MDGA2: variants seen among roughly 807,000 people sequenced by gnomAD.
MDGA2 encodes the protein MAM domain containing glycosylphosphatidylinositol anchor 2, also known as MAM domain-containing glycosylphosphatidylinositol anchor protein 2.
Under a neutral mutation model 117.8 loss-of-function variants are expected in MDGA2, and 40 were observed. The observed-to-expected ratio is 0.34, with a 90% CI of 0.26 to 0.44. The LOEUF (loss-of-function observed/expected upper bound fraction) is 0.44. Among genes scored for constraint, MDGA2 ranks in the 20% least tolerant of loss-of-function variants. The pLI, the probability that MDGA2 is intolerant of heterozygous loss-of-function variation, is 1.00. For missense variants in MDGA2, 1,123 were observed against 1,250.6 expected, an observed-to-expected ratio of 0.90 and a Z score of 1.54; for synonymous variants, 452 against 439.0, an observed-to-expected ratio of 1.03 and a Z score of -0.37.
intron 5 of MDGA2, 84 bp from the exon 6 acceptor site, chr14:47,097,207 C>CA: frequency 6.9e-7 from 1 of 1,441,202 alleles, no homozygotes; most frequent in Non-Finnish European, 9.4e-7. Flanking sequence ...TTGGTTCATT[C>CA]AAAAAATTAA....
intron 1 of MDGA2, chr14:47,305,321 GC>G (rs1418556182): frequency 2.0e-5 from 3 of 152,066 alleles, no homozygotes; most frequent in Admixed American, 1.3e-4. Flanking sequence ...GATCTCCTTT[GC>G]CCTGTAGAGT....
At position 46,874,421 on chromosome 14, in the gene MDGA2, A is replaced by C. The variant is rs138408689; in HGVS notation, c.2438-221T>G. ...TACATGTAAATTAATATCTTATTGA[A>C]TAATTAAGACTCAAACAATTTTTCT... On this transcript the variant is annotated intron_variant, in intron 12 of 16. Coordinates refer to ENST00000399232, the MANE Select transcript of MDGA2 (RefSeq NM_001113498.3). 2.2e-3 allele frequency among the ~76,000 whole-genome samples: 340 copies of C among 152,004 alleles called. 1 individual carries two copies. The highest frequency in any genetic ancestry group is 7.8e-3 in the African/African-American group (324 of 41,538).
chr14:47,066,965 A>C (rs1177915646), intron 6 of MDGA2, among the ~76,000 whole-genome samples: 2 of 152,054 alleles, frequency 1.3e-5, no homozygotes, highest in Non-Finnish European at 2.9e-5. Context: ...AATACAAAAA[A>C]TTAGCTAGGC....
chr14:47,161,347 A>G (rs1377177278), intron 3 of MDGA2, among the ~76,000 whole-genome samples: 2 of 152,094 alleles, frequency 1.3e-5, no homozygotes, highest in African/African-American at 4.8e-5. Context: ...TCTAAATGGT[A>G]TATAATTTGA....
intron 9 of MDGA2, among the ~76,000 whole-genome samples, chr14:46,939,661 G>A (rs915266606): frequency 6.5e-4 from 99 of 152,298 alleles, no homozygotes; most frequent in African/African-American, 2.2e-3. Flanking sequence ...TGCTGTATTT[G>A]TCAGGCACCA....
chr14:47,632,231 C>A (rs899709616), intron 1 of MDGA2, among the ~76,000 whole-genome samples: 1 of 152,122 alleles, frequency 6.6e-6, no homozygotes, highest in Non-Finnish European at 1.5e-5. Context: ...ATCCATTTTC[C>A]CTATAGAAAT....
intron 8 of MDGA2, among the ~76,000 whole-genome samples, chr14:47,030,568 T>C (rs747787115): frequency 6.6e-6 from 1 of 152,120 alleles, no homozygotes; most frequent in Middle Eastern, 3.2e-3. Context: ...GTAAGCTCTA[T>C]ACATACTATG....
chr14:47,426,249 G>T, intron 1 of MDGA2, among the ~76,000 whole-genome samples: 1 of 152,030 alleles, frequency 6.6e-6, no homozygotes. Flanking sequence ...TCCCATCGGA[G>T]GATCTAGCCT....
chr14:46,992,824 A>G (rs1331105318), intron 8 of MDGA2, among the ~76,000 whole-genome samples: 1 of 152,208 alleles, frequency 6.6e-6, no homozygotes, highest in African/African-American at 2.4e-5. Context: ...GAGCAAAAAT[A>G]GCATCCATGT....
chr14:47,642,813 A>T (rs914077809), intron 1 of MDGA2, among the ~76,000 whole-genome samples: 1 of 152,108 alleles, frequency 6.6e-6, no homozygotes, highest in Non-Finnish European at 1.5e-5. Context: ...GTTTATTCGC[A>T]TTTCATCAAG....
At chr14:47,614,191 A>C (rs576430496) in intron 1 of MDGA2, among the ~76,000 whole-genome samples, 11 of 145,834 alleles carry the variant, frequency 7.5e-5, no homozygotes, top group Non-Finnish European at 1.6e-4. Flanking sequence ...CTGGGTTCAG[A>C]TGGTTCTCTT....
intron 1 of MDGA2, among the ~76,000 whole-genome samples, chr14:47,574,492 C>G (rs1896079924): frequency 6.6e-6 from 1 of 152,100 alleles, no homozygotes; most frequent in South Asian, 2.1e-4. Flanking sequence ...ATACAATTTT[C>G]AAATATTCTT....
chr14:47,108,422 T>C (rs937117398), intron 5 of MDGA2, among the ~76,000 whole-genome samples: 1 of 152,090 alleles, frequency 6.6e-6, no homozygotes, highest in Non-Finnish European at 1.5e-5. Flanking sequence ...TGAATATGCC[T>C]TGCCCCACCT....
chr14:47,136,630 A>G (rs1022042171), intron 4 of MDGA2, among the ~76,000 whole-genome samples: 5 of 152,120 alleles, frequency 3.3e-5, no homozygotes, highest in African/African-American at 1.2e-4. Flanking sequence ...ATTTGTGTAT[A>G]TATTTATATA....
chr14:46,912,265 G>C (rs1008869131), intron 10 of MDGA2, among the ~76,000 whole-genome samples: 4 of 151,980 alleles, frequency 2.6e-5, no homozygotes, highest in Non-Finnish European at 5.9e-5. Context: ...ACATACACAC[G>C]AATGCACATT....
At chr14:47,207,012 A>T (rs1331119239) in intron 3 of MDGA2, among the ~76,000 whole-genome samples, 1 of 152,048 alleles carries the variant, frequency 6.6e-6, no homozygotes, top group South Asian at 2.1e-4. Context: ...TTTAAAAGAG[A>T]TAACATCACT....
intron 3 of MDGA2, among the ~76,000 whole-genome samples, chr14:47,204,563 T>G (rs907883671): frequency 6.6e-6 from 1 of 151,944 alleles, no homozygotes; most frequent in Admixed American, 6.6e-5. Flanking sequence ...TAAAAATACA[T>G]TATCTCATTC....
At position 47,097,589 on chromosome 14, in the gene MDGA2, C is replaced by A. The variant is rs577151662; in HGVS notation, c.926-466G>T. On this transcript the variant is annotated intron_variant, in intron 5 of 16. Coordinates refer to ENST00000399232, the MANE Select transcript of MDGA2 (RefSeq NM_001113498.3). ...ATAAATTTTTGCAATCTGAATACAA[C>A]CAAGTGACAGATAAAGTCATAGATC... is the stretch of plus-strand genomic sequence containing the variant. Among the ~76,000 whole-genome samples the A allele has an allele frequency of 5.9e-5, 9 of 152,062 alleles. No individual in the cohort carries two copies. The East Asian group carries it at 1.7e-3, about 29-fold the overall frequency.
At chr14:47,367,427 G>A (rs1891254514) in intron 1 of MDGA2, among the ~76,000 whole-genome samples, 1 of 152,090 alleles carries the variant, frequency 6.6e-6, no homozygotes, top group South Asian at 2.1e-4. Context: ...CCCTTCAATA[G>A]CATCCAGGAA....
Sources: gnomAD v4.1 joint callset for allele counts (sites outside exome capture counted in the v4.1 genomes callset) on GRCh38, gnomAD v4.1.1 for gene constraint, MANE v1.5 for transcripts, NCBI Gene and HGNC (gene_info 2026-07-23, HGNC 2026-07-21) for gene names.